The following ZFYVE9 variants were observed in gnomAD, a reference collection of about 807,000 sequenced individuals.
The protein encoded by ZFYVE9 is zinc finger FYVE domain-containing protein 9.
In ZFYVE9, 43 loss-of-function variants were observed where a neutral mutation model predicts 126.7. The observed-to-expected ratio is 0.34, with a 90% CI of 0.27 to 0.44. ZFYVE9 has a LOEUF of 0.44. Among genes scored for constraint, ZFYVE9 ranks in the 20% least tolerant of loss-of-function variants. The pLI is 1.00. For synonymous variants in ZFYVE9, 521 were observed against 597.4 expected, an observed-to-expected ratio of 0.87 and a Z score of 1.87; for missense variants, 1,476 against 1,697.0, an observed-to-expected ratio of 0.87 and a Z score of 2.29.
chr1:52,224,215 G>A (rs1308263618), intron 2 of ZFYVE9, among the ~76,000 whole-genome samples: 1 of 152,160 alleles, frequency 6.6e-6, no homozygotes, highest in African/African-American at 2.4e-5. Flanking sequence ...TGAGGAAGGG[G>A]CATGTTCAGG....
intron 4 of ZFYVE9, among the ~76,000 whole-genome samples, chr1:52,259,985 C>A (rs1247337023): frequency 1.3e-5 from 2 of 151,970 alleles, no homozygotes; most frequent in Non-Finnish European, 2.9e-5. Context: ...GGGTTGTTTA[C>A]AACTTTTATT....
intron 13 of ZFYVE9, among the ~76,000 whole-genome samples, chr1:52,308,113 A>G (rs541354059): frequency 1.1e-4 from 17 of 152,130 alleles, no homozygotes; most frequent in East Asian, 5.8e-4. Flanking sequence ...ATCTCCTACA[A>G]TCTCATACAG....
chr1:52,262,260 A>G (rs986016521), intron 4 of ZFYVE9, among the ~76,000 whole-genome samples: 13 of 152,300 alleles, frequency 8.5e-5, no homozygotes, highest in African/African-American at 3.1e-4. Context: ...CCACTACCTA[A>G]TACCATCTCT....
intron 18 of ZFYVE9, 124 bp from the exon 19 acceptor site, chr1:52,345,936 A>G: frequency 1.0e-6 from 1 of 952,598 alleles, no homozygotes; most frequent in Non-Finnish European, 1.5e-6. Flanking sequence ...ATTTGTATTC[A>G]CTGCCATATG....
intron 1 of ZFYVE9, among the ~76,000 whole-genome samples, chr1:52,203,910 G>A (rs1174137074): frequency 4.6e-5 from 7 of 151,798 alleles, no homozygotes; most frequent in Non-Finnish European, 1.0e-4. Context: ...ATTTCTTTTT[G>A]GTTCTTTCTT....
intron 11 of ZFYVE9, among the ~76,000 whole-genome samples, chr1:52,294,234 G>T (rs141278089): frequency 6.6e-6 from 1 of 152,130 alleles, no homozygotes; most frequent in Non-Finnish European, 1.5e-5. Context: ...CTAGGAATCC[G>T]ACCACTTGAG....
chr1:52,240,195 C>G (rs1006467377), intron 4 of ZFYVE9, among the ~76,000 whole-genome samples: 5 of 152,050 alleles, frequency 3.3e-5, no homozygotes, highest in East Asian at 3.9e-4. Flanking sequence ...GAATGATATT[C>G]CTTAGCTCTC....
intron 1 of ZFYVE9, among the ~76,000 whole-genome samples, chr1:52,146,562 C>T (rs1275346071): frequency 6.6e-6 from 1 of 151,988 alleles, no homozygotes; most frequent in Non-Finnish European, 1.5e-5. Flanking sequence ...ATAATAGTCA[C>T]CTTACAGGAT....
chr1:52,277,199 T>C (rs1645756512), intron 8 of ZFYVE9, among the ~76,000 whole-genome samples: 2 of 134,114 alleles, frequency 1.5e-5, no homozygotes, highest in South Asian at 2.4e-4. Flanking sequence ...ATTCTATTGT[T>C]AGTAAAATAC....
At chr1:52,157,562 T>C (rs482451) in intron 1 of ZFYVE9, among the ~76,000 whole-genome samples, 146,794 of 151,786 alleles carry the variant, frequency 0.97, 71,000 homozygotes, top group East Asian at 1. Flanking sequence ...CCACCACACC[T>C]GGCTAATTTT....
chr1:52,341,522 T>C (rs867609858), intron 17 of ZFYVE9, among the ~76,000 whole-genome samples: 3 of 152,360 alleles, frequency 2.0e-5, no homozygotes, highest in African/African-American at 4.8e-5. Context: ...AAAGTTCTCG[T>C]AAGCTGGTAG....
intron 18 of ZFYVE9, 45 bp downstream of exon 18, chr1:52,344,989 G>A (rs551278220): frequency 3.0e-5 from 48 of 1,601,686 alleles, no homozygotes; most frequent in Non-Finnish European, 3.8e-5. Context: ...CTTGGGCAAC[G>A]TCTGTATTTC....
Position 52,195,447 on chromosome 1 carries a change from A to C in ZFYVE9, c.-142-20922A>C, listed in dbSNP as rs376600960. On this transcript the variant is annotated intron_variant, in intron 1 of 18. Transcript: ENST00000287727. ...TTCAACAAATATTTGACTGCTTACT[A>C]TATATCCCAGACACTGTTCTGGGTG... Among the ~76,000 whole-genome samples, 4 of 152,202 alleles carry C rather than the reference A, an allele frequency of 2.6e-5. No individual in the cohort carries two copies. In the South Asian group the frequency reaches 8.3e-4, roughly 32 times the overall value.
At position 52,238,806 on chromosome 1, in the gene ZFYVE9, C is replaced by T; in HGVS notation, c.1389C>T (p.Ser463=). 1 of 1,614,026 alleles carries T rather than the reference C, an allele frequency of 6.2e-7. No individual in the cohort carries two copies. The highest frequency in any genetic ancestry group is 8.5e-7 in the Non-Finnish European group (1 of 1,179,950). ...GTGAAAGTGAAGAATGTGATTTCTC[C>T]ACTGTTATAGACACACCAGCAGCAA... ...CISESEECDF[S]TVIDTPAANY... Residue 463 remains serine (S), a synonymous_variant, in exon 4 of 19, where the codon TCC becomes TCT. Transcript: ENST00000287727.
intron 1 of ZFYVE9, among the ~76,000 whole-genome samples, chr1:52,191,714 A>T (rs183035845): frequency 1.2e-3 from 188 of 152,308 alleles, no homozygotes; most frequent in Non-Finnish European, 1.3e-3. Context: ...TGGCTCCAAC[A>T]ATCCTGCACT....
Position 52,233,259 on chromosome 1 carries a change from A to C in ZFYVE9, c.53A>C (p.Glu18Ala). 1 of 1,581,944 alleles carries C rather than the reference A, an allele frequency of 6.3e-7. No homozygotes were observed. The highest frequency in any genetic ancestry group is 8.6e-7 in the Non-Finnish European group (1 of 1,161,106). The change falls in exon 3 of 19, where the codon GAA becomes GCA. Residue 18 changes from glutamate (E) to alanine (A), a missense_variant. By Grantham distance (107) the Glu-to-Ala change is moderately radical (BLOSUM62 -1). Around this residue, in one of 2 missense-constraint regions of ZFYVE9, gnomAD observed 807 missense variants for 794.6 expected, o/e 1.02. Coordinates refer to ENST00000287727, the MANE Select transcript of ZFYVE9 (RefSeq NM_004799.4). Reference protein sequence around the residue: ...EAYNLDKVLDEFEQNEDETVS... With the variant: ...EAYNLDKVLDAFEQNEDETVS... Reference sequence around the variant, plus strand: ...TACAACCTGGACAAGGTGTTAGATGAATTTGAACAAAACGAAGGTGAGAAT... The same window carrying C: ...TACAACCTGGACAAGGTGTTAGATGCATTTGAACAAAACGAAGGTGAGAAT...
rs1553130220 is a variant in ZFYVE9, at chr1:52,263,764, C to CG, written c.2179-9_2179-8insG. The stretch of plus-strand genomic sequence containing the variant: ...ATTTTGTGTGTTCTTCCCCCCCCCC[C>CG]CCCCACAGGTTTTCTGTGCTTCCTG... On this transcript the variant is annotated splice_polypyrimidine_tract_variant and intron_variant, in intron 4 of 18. Coordinates refer to ENST00000287727, the MANE Select transcript of ZFYVE9 (RefSeq NM_004799.4). 1 of 1,078,516 alleles carries CG rather than the reference C, an allele frequency of 9.3e-7. No individual in the cohort carries two copies. The highest frequency in any genetic ancestry group is 2.2e-5 in the African/African-American group (1 of 46,208). 66.8% of individuals were successfully genotyped at this position (1,078,516 alleles called of 1,614,324 possible). A position where few individuals can be genotyped will look rare whatever the true frequency, so the allele number is the denominator to read the frequency against.
At chr1:52,158,582 C>G (rs542061810) in intron 1 of ZFYVE9, among the ~76,000 whole-genome samples, 1 of 152,334 alleles carries the variant, frequency 6.6e-6, no homozygotes, top group East Asian at 1.9e-4. Context: ...CTTGGCGTAA[C>G]AAACCTGCCT....
At chr1:52,321,714 C>T (rs1044531265) in intron 13 of ZFYVE9, among the ~76,000 whole-genome samples, 6 of 152,134 alleles carry the variant, frequency 3.9e-5, no homozygotes, top group Non-Finnish European at 7.4e-5. Flanking sequence ...CCATATTTGT[C>T]CTTGAGACCA....
Sources: gnomAD v4.1 joint callset for allele counts (sites outside exome capture counted in the v4.1 genomes callset) on GRCh38, gnomAD v4.1.1 for gene constraint, gnomAD v4.1.1 regional missense constraint, MANE v1.5 for transcripts, NCBI Gene and HGNC (gene_info 2026-07-23, HGNC 2026-07-21) for gene names.